The following HECTD4 variants were observed in gnomAD, a reference collection of about 807,000 sequenced individuals.
HECTD4 encodes HECT domain E3 ubiquitin protein ligase 4, also known as probable E3 ubiquitin-protein ligase HECTD4.
Under a neutral mutation model 471.5 loss-of-function variants are expected in HECTD4, and 114 were observed. The observed-to-expected ratio is 0.24, with a 90% CI of 0.21 to 0.28. The LOEUF (loss-of-function observed/expected upper bound fraction) is 0.28, where lower values mean the gene tolerates loss of function less well. HECTD4 is among the 10% of genes least tolerant of loss of function. The probability of loss-of-function intolerance (pLI) is 1.00; values close to 1 mark genes in which losing one functional copy is unlikely to be tolerated. For synonymous variants in HECTD4, 2,012 were observed against 2,256.0 expected, an observed-to-expected ratio of 0.89 and a Z score of 3.07; for missense variants, 3,866 against 5,651.5, an observed-to-expected ratio of 0.68 and a Z score of 10.13.
intron 1 of HECTD4, among the ~76,000 whole-genome samples, chr12:112,323,813 A>G (rs540626640): frequency 1.2e-3 from 180 of 152,048 alleles, no homozygotes; most frequent in Non-Finnish European, 2.0e-3. Context: ...TTGACTGTAT[A>G]ACTTTAAAGA....
At chr12:112,199,748 T>C (rs953516855) in intron 55 of HECTD4, among the ~76,000 whole-genome samples, 2 of 152,202 alleles carry the variant, frequency 1.3e-5, no homozygotes, top group East Asian at 1.9e-4. Context: ...GCTAGGCACA[T>C]AGAAAGCACT....
chr12:112,321,438 A>G (rs1339620331), intron 1 of HECTD4, among the ~76,000 whole-genome samples: 5 of 152,212 alleles, frequency 3.3e-5, no homozygotes, highest in African/African-American at 4.8e-5. Flanking sequence ...AAAGGAGGGC[A>G]CTCTAGGAGC....
At chr12:112,273,540 G>T in intron 11 of HECTD4, 115 bp downstream of exon 11, 1 of 931,006 alleles carries the variant, frequency 1.1e-6, no homozygotes, top group South Asian at 1.7e-5. Context: ...AGTTCAAAGA[G>T]GGAAAACTGG....
intron 1 of HECTD4, among the ~76,000 whole-genome samples, chr12:112,320,649 C>T (rs1448597799): frequency 5.3e-5 from 8 of 151,360 alleles, no homozygotes; most frequent in Admixed American, 2.6e-4. Flanking sequence ...TGCAGTGAGC[C>T]GAGATCGCAC....
rs528188018 is a variant in HECTD4 at position 112,291,643 on chromosome 12, C to T, written c.1336-8341G>A. On this transcript the variant is annotated intron_variant, in intron 7 of 75. Transcript: ENST00000682272. ...ATCCCAGCACTTTGGGAGGCCGAGGCGGGCGGATCATGAGGTCAGGAGATT... is the reference window on the plus strand; with the variant it reads ...ATCCCAGCACTTTGGGAGGCCGAGGTGGGCGGATCATGAGGTCAGGAGATT... Among the ~76,000 whole-genome samples the T allele has an allele frequency of 1.8e-4, 27 of 152,072 alleles. No homozygotes were observed. In the East Asian group the frequency reaches 2.7e-3, roughly 15 times the overall value.
intron 1 of HECTD4, among the ~76,000 whole-genome samples, chr12:112,357,466 T>C (rs562156271): frequency 2.1e-4 from 32 of 152,172 alleles, no homozygotes; most frequent in Admixed American, 7.2e-4. Context: ...GAGGTTGAGG[T>C]TGCAGTGAGC....
Position 112,243,323 on chromosome 12 carries a change from G to C in HECTD4, c.4958+30C>G. ...TGAATGGCTCTGACCATTCTAGAAAGGACAGTATAAACTAACAGAAACAAC... is the reference window on the plus strand; with the variant it reads ...TGAATGGCTCTGACCATTCTAGAAACGACAGTATAAACTAACAGAAACAAC... On this transcript the variant is annotated intron_variant, in intron 32 of 75. Coordinates refer to ENST00000682272, the MANE Select transcript of HECTD4 (RefSeq NM_001388303.1). The surrounding 1 kb of genome is among the most constrained non-coding windows in gnomAD (Gnocchi z 6.6). The C allele has an allele frequency of 6.3e-7, 1 of 1,594,334 alleles. No homozygotes were observed. Among genetic ancestry groups the C allele is most frequent in the East Asian group, 2.3e-5 (1 of 44,284 alleles).
In HECTD4 at chr12:112,251,088, A is replaced by C. The variant is rs2033873401; in HGVS notation, c.3599T>G (p.Leu1200Arg). The change falls in exon 24 of 76, where the codon CTG (leucine) becomes CGG (arginine). Residue 1200 changes from leucine to arginine, a missense_variant. Transcript: ENST00000682272. Reference sequence around the variant, plus strand: ...AGCTAACACAGACAGACCTAAAGCCAGGTCTACCAGAAAGGGCAAGCCTCC... The same window carrying C: ...AGCTAACACAGACAGACCTAAAGCCCGGTCTACCAGAAAGGGCAAGCCTCC... ...VSGGLPFLVD[L>R]ALGLSVLACS... is the part of the protein sequence containing the mutation. 1 of 1,613,904 alleles carries C rather than the reference A, an allele frequency of 6.2e-7. No homozygotes were observed. Among genetic ancestry groups the C allele is most frequent in the Non-Finnish European group, 8.5e-7 (1 of 1,179,894 alleles).
At position 112,182,366 on chromosome 12, in the gene HECTD4, A is replaced by C. The variant is rs1372812561; in HGVS notation, c.10987+693T>G. 2.7e-5 allele frequency among the ~76,000 whole-genome samples: 4 copies of C among 147,662 alleles called. No homozygotes were observed. The Admixed American group carries it at 2.7e-4, about 10-fold the overall frequency. ...TTTAAAAAGAAAAAATGAATTAAAA[A>C]AGGAAAAAAAGAGGAATTAAAAAAA... On this transcript the variant is annotated intron_variant, in intron 62 of 75. Coordinates refer to ENST00000682272, the MANE Select transcript of HECTD4 (RefSeq NM_001388303.1).
In HECTD4 at chr12:112,194,844, G is replaced by T. The variant is rs1479225436; in HGVS notation, c.8749+41C>A. ...CTACACTGTGCACAGCGCCCGCCTG[G>T]TGCTAAGTTCCAGAGTGACAGCAGC... On this transcript the variant is annotated intron_variant, in intron 56 of 75. Transcript: ENST00000682272. This position sits in a 1 kb window ranked among gnomAD's most constrained non-coding sequence, Gnocchi z 4.6. The T allele has an allele frequency of 4.5e-6, 7 of 1,562,192 alleles. No homozygotes were observed. Among genetic ancestry groups the T allele is most frequent in the East Asian group, 2.3e-5 (1 of 43,060 alleles).
chr12:112,183,330 CTT>C (rs2031744226), intron 61 of HECTD4, 64 bp from the exon 62 acceptor site: 1 of 1,228,850 alleles, frequency 8.1e-7, no homozygotes, highest in African/African-American at 1.5e-5. Context: ...TGTGAGTGAA[CTT>C]CTCCCTCCCA....
In HECTD4 at chr12:112,319,593, T is replaced by C; in HGVS notation, c.327A>G (p.Leu109=). The C allele has an allele frequency of 7.0e-7, 1 of 1,425,800 alleles. No homozygotes were observed. The highest frequency in any genetic ancestry group is 2.9e-5 in the Admixed American group (1 of 34,620). The allele number at this position is 1,425,800 out of a possible 1,614,324, so 88.3% of individuals were successfully genotyped here. Residue 109 remains leucine (L), a synonymous_variant, in exon 2 of 76, where the codon TTA becomes TTG. Coordinates refer to ENST00000682272, the MANE Select transcript of HECTD4 (RefSeq NM_001388303.1). This position sits in a 1 kb window ranked among gnomAD's most constrained non-coding sequence, Gnocchi z 5.3. The part of the protein sequence containing the change: ...GLWNAQRQLA[L]EEQHERESSG... ...AACTTTCCCTTTCATGCTGTTCTTC[T>C]AAGGCCAGCTGGCGCTGGGCATTCC...
At chr12:112,249,968 G>C in intron 25 of HECTD4, 176 bp downstream of exon 25, 1 of 603,494 alleles carries the variant, frequency 1.7e-6, no homozygotes, top group Non-Finnish European at 2.9e-6. Flanking sequence ...AATTTTGAGA[G>C]CCCCTAGTCT....
At chr12:112,378,922 G>C (rs954131949) in intron 1 of HECTD4, among the ~76,000 whole-genome samples, 5 of 152,100 alleles carry the variant, frequency 3.3e-5, no homozygotes, top group African/African-American at 1.2e-4. Context: ...TGCGCCTGTA[G>C]TCCCAGCTGC....
In HECTD4 at chr12:112,179,013, G is replaced by T; in HGVS notation, c.11281C>A (p.Gln3761Lys). 1 of 1,613,754 alleles carries T rather than the reference G, an allele frequency of 6.2e-7. No individual in the cohort carries two copies. Among genetic ancestry groups the T allele is most frequent in the Non-Finnish European group, 8.5e-7 (1 of 1,179,852 alleles). Residue 3761 changes from glutamine (Q) to lysine (K), a missense_variant, in exon 64 of 76, where the codon CAG (glutamine) becomes AAG (lysine). By Grantham distance (53) the Gln-to-Lys change is moderately conservative (BLOSUM62 1). Transcript: ENST00000682272. The surrounding 1 kb of genome is among the most constrained non-coding windows in gnomAD (Gnocchi z 4.3). ...KSKYSKAGKE[Q>K]HPVKVVSTKR... ...GTGCTCACCACCTTCACGGGGTGCTGCTCCTTCCCGGCCTTGCTGTACTTG... is the reference window on the plus strand; with the variant it reads ...GTGCTCACCACCTTCACGGGGTGCTTCTCCTTCCCGGCCTTGCTGTACTTG...
chr12:112,288,984 T>C (rs1314667044), intron 7 of HECTD4, among the ~76,000 whole-genome samples: 1 of 152,274 alleles, frequency 6.6e-6, no homozygotes, highest in Non-Finnish European at 1.5e-5. Context: ...AGAGAAATTC[T>C]ATGATCCAAA....
chr12:112,170,581 G>T, intron 68 of HECTD4, 129 bp from the exon 69 acceptor site: 8 of 1,201,298 alleles, frequency 6.7e-6, no homozygotes, highest in Non-Finnish European at 9.4e-6. Flanking sequence ...GCCGGGCCCT[G>T]ACTGTGGAGG....
intron 44 of HECTD4, among the ~76,000 whole-genome samples, chr12:112,223,123 C>T (rs903900967): frequency 4.6e-5 from 7 of 152,188 alleles, no homozygotes; most frequent in Middle Eastern, 3.4e-3. Context: ...CTGATGGTTC[C>T]GGTAGCCTGC....
chr12:112,300,307 C>CAA lies in HECTD4; in HGVS notation c.1335+5755_1335+5756dup, dbSNP rs572345517. Among the ~76,000 whole-genome samples, 509 of 69,904 alleles carry CAA rather than the reference C, an allele frequency of 7.3e-3. 11 individuals are homozygous for CAA. Among genetic ancestry groups the CAA allele is most frequent in the Admixed American group, 0.057 (410 of 7,256 alleles). The allele number at this position is 69,904 out of a possible 152,430, so 45.9% of individuals were successfully genotyped here. A position where few individuals can be genotyped will look rare whatever the true frequency, so the allele number is the denominator to read the frequency against. On this transcript the variant is annotated intron_variant, in intron 7 of 75. Coordinates refer to ENST00000682272, the MANE Select transcript of HECTD4 (RefSeq NM_001388303.1). ...TGAGTGACAGAGGAAGATTCCATCT[C>CAA]AAAAAAAAAAAAAAAAGAAAGAAAG... is the stretch of plus-strand genomic sequence containing the variant.
Sources: allele counts gnomAD v4.1 joint callset (sites outside exome capture counted in the v4.1 genomes callset), GRCh38; gene constraint gnomAD v4.1.1; non-coding constraint Gnocchi (gnomAD v3.1); transcripts MANE v1.5; gene names NCBI Gene and HGNC (gene_info 2026-07-23, HGNC 2026-07-21).